AUTS2: variants seen among roughly 807,000 people sequenced by gnomAD.
The protein encoded by AUTS2 is activator of transcription and developmental regulator AUTS2.
In AUTS2, 17 loss-of-function variants were observed where a neutral mutation model predicts 112.4. The observed-to-expected ratio is 0.15, with a 90% CI of 0.10 to 0.23. AUTS2 has a LOEUF of 0.23. Ranked by LOEUF, AUTS2 falls within the 10% of genes least tolerant of loss-of-function variation. The probability of loss-of-function intolerance (pLI) is 1.00; values close to 1 mark genes in which losing one functional copy is unlikely to be tolerated. For missense variants in AUTS2, 1,510 were observed against 1,701.6 expected (o/e 0.89, Z 1.98); for synonymous variants, 751 against 702.7 (o/e 1.07, Z -1.09).
At chr7:69,872,834 CTTTTTT>C (rs1164356683) in intron 1 of AUTS2, among the ~76,000 whole-genome samples, 4 of 70,406 alleles carry the variant, frequency 5.7e-5, no homozygotes, top group African/African-American at 2.5e-4. Flanking sequence ...AGCCTATATT[CTTTTTT>C]TTTTTTTTTT....
At chr7:69,739,430 G>A (rs73170857) in intron 1 of AUTS2, among the ~76,000 whole-genome samples, 11,669 of 152,142 alleles carry the variant, frequency 0.077, 605 homozygotes, top group African/African-American at 0.14. Context: ...CCTGATGTGG[G>A]TACACACATC....
chr7:70,125,512 C>T (rs1350350923), intron 3 of AUTS2, among the ~76,000 whole-genome samples: 1 of 152,190 alleles, frequency 6.6e-6, no homozygotes, highest in Non-Finnish European at 1.5e-5. Context: ...GGTATTTTCT[C>T]TCACAGATGT....
intron 4 of AUTS2, among the ~76,000 whole-genome samples, chr7:70,170,016 A>G (rs1308985766): frequency 6.6e-6 from 1 of 152,096 alleles, no homozygotes; most frequent in Non-Finnish European, 1.5e-5. Flanking sequence ...AAAATTGGAA[A>G]CTATTAAAAA....
intron 5 of AUTS2, among the ~76,000 whole-genome samples, chr7:70,442,133 C>A (rs373723523): frequency 2.6e-5 from 4 of 152,210 alleles, no homozygotes; most frequent in Non-Finnish European, 4.4e-5. Context: ...AGACAGCCAT[C>A]ACCCAGGGAA....
At chr7:70,486,148 A>G (rs1184328217) in intron 5 of AUTS2, among the ~76,000 whole-genome samples, 1 of 152,200 alleles carries the variant, frequency 6.6e-6, no homozygotes, top group African/African-American at 2.4e-5. Context: ...AATCCTTACC[A>G]AAAGTATGCA....
intron 1 of AUTS2, among the ~76,000 whole-genome samples, chr7:69,705,903 C>T (rs1186718961): frequency 6.6e-6 from 1 of 151,970 alleles, no homozygotes. Context: ...GTTCAGATTT[C>T]CTCTTCCTTT....
intron 5 of AUTS2, among the ~76,000 whole-genome samples, chr7:70,512,381 A>C (rs974993427): frequency 2.6e-5 from 4 of 152,132 alleles, no homozygotes; most frequent in Non-Finnish European, 4.4e-5. Flanking sequence ...GGGAAGTGTG[A>C]AATTCTTTGG....
chr7:69,625,563 G>A (rs772381371), intron 1 of AUTS2, among the ~76,000 whole-genome samples: 35 of 152,228 alleles, frequency 2.3e-4, no homozygotes, highest in Admixed American at 7.8e-4. Flanking sequence ...GACGGATTTC[G>A]AAAGTGTTAT....
chr7:70,243,948 T>C (rs1323513453), intron 4 of AUTS2, among the ~76,000 whole-genome samples: 1 of 151,570 alleles, frequency 6.6e-6, no homozygotes, highest in Non-Finnish European at 1.5e-5. Flanking sequence ...ATAACTATAA[T>C]AGTAATACTA....
intron 1 of AUTS2, among the ~76,000 whole-genome samples, chr7:69,694,007 A>T (rs1797453294): frequency 6.6e-6 from 1 of 152,158 alleles, no homozygotes; most frequent in Admixed American, 6.5e-5. Context: ...CTACAGGTAG[A>T]TTTGCTGAAT....
intron 1 of AUTS2, among the ~76,000 whole-genome samples, chr7:69,604,624 G>A (rs1252523153): frequency 6.6e-6 from 1 of 152,210 alleles, no homozygotes; most frequent in Non-Finnish European, 1.5e-5. Flanking sequence ...GAGCTAGGGA[G>A]AGCATTCTAA....
At chr7:69,808,880 A>G (rs987626429) in intron 1 of AUTS2, among the ~76,000 whole-genome samples, 50 of 152,306 alleles carry the variant, frequency 3.3e-4, no homozygotes, top group Admixed American at 2.9e-3. Flanking sequence ...CATGAGGGGT[A>G]CAGAACCAGG....
At chr7:70,557,025 A>G (rs17491493) in intron 5 of AUTS2, among the ~76,000 whole-genome samples, 42,970 of 152,094 alleles carry the variant, frequency 0.28, 6,686 homozygotes, top group Admixed American at 0.42. Flanking sequence ...CACTTCTCAC[A>G]CTGCCACTGT....
intron 4 of AUTS2, among the ~76,000 whole-genome samples, chr7:70,422,927 G>T (rs969156831): frequency 2.6e-5 from 4 of 152,058 alleles, no homozygotes; most frequent in Admixed American, 2.6e-4. Flanking sequence ...CAGGTATTTT[G>T]CTACTGTAAT....
At chr7:70,415,612 C>T (rs1012519556) in intron 4 of AUTS2, among the ~76,000 whole-genome samples, 2 of 152,118 alleles carry the variant, frequency 1.3e-5, no homozygotes, top group African/African-American at 4.8e-5. Flanking sequence ...TGTTTGTCTA[C>T]CAAGTGGCTA....
chr7:70,384,351 T>G (rs752429741), intron 4 of AUTS2, among the ~76,000 whole-genome samples: 2 of 152,230 alleles, frequency 1.3e-5, no homozygotes, highest in African/African-American at 2.4e-5. Context: ...TATGCCAGCA[T>G]AAATCCATGG....
At chr7:70,062,691 G>T (rs1802309646) in intron 2 of AUTS2, among the ~76,000 whole-genome samples, 2 of 152,092 alleles carry the variant, frequency 1.3e-5, no homozygotes, top group Admixed American at 6.5e-5. Flanking sequence ...CTAAGCTCTT[G>T]GTTGGAATCT....
chr7:69,762,591 G>A (rs866367554), intron 1 of AUTS2, among the ~76,000 whole-genome samples: 2 of 152,060 alleles, frequency 1.3e-5, no homozygotes, highest in South Asian at 2.1e-4. Flanking sequence ...TTTCAGGTGC[G>A]AGCCATTATG....
At chr7:70,243,199 C>A (rs1812713598) in intron 4 of AUTS2, among the ~76,000 whole-genome samples, 2 of 146,182 alleles carry the variant, frequency 1.4e-5, no homozygotes, top group South Asian at 4.4e-4. Context: ...AATCAGTTTT[C>A]CTTTAAAAAA....
Sources: allele counts gnomAD v4.1 joint callset (sites outside exome capture counted in the v4.1 genomes callset), GRCh38; gene constraint gnomAD v4.1.1; transcripts MANE v1.5; gene names NCBI Gene and HGNC (gene_info 2026-07-23, HGNC 2026-07-21).